The following DCDC1 variants were observed in gnomAD, a reference collection of about 807,000 sequenced individuals.
The protein encoded by DCDC1 is doublecortin domain containing 1.
DCDC1 carries 200 observed loss-of-function variants against 178.3 expected under a neutral mutation model. The observed-to-expected ratio is 1.12, with a 90% CI of 1.00 to 1.26. The LOEUF is 1.26. DCDC1 is among the 50% of genes most tolerant of loss of function. The probability of loss-of-function intolerance (pLI) is 0.00; values close to 1 mark genes in which losing one functional copy is unlikely to be tolerated. For synonymous variants in DCDC1, 690 were observed against 604.8 expected (o/e 1.14, Z -2.07); for missense variants, 1,983 against 1,749.2 (o/e 1.13, Z -2.38).
chr11:31,323,689 A>G (rs1949496641), intron 3 of DCDC1, among the ~76,000 whole-genome samples: 1 of 152,126 alleles, frequency 6.6e-6, no homozygotes, highest in African/African-American at 2.4e-5. Context: ...AATATATACA[A>G]ATAAACTATA....
chr11:31,333,546 C>T (rs1950112971), intron 2 of DCDC1, among the ~76,000 whole-genome samples: 1 of 152,180 alleles, frequency 6.6e-6, no homozygotes, highest in South Asian at 2.1e-4. Context: ...TTAGTGCTTC[C>T]TTCAGGAGCT....
intron 18 of DCDC1, among the ~76,000 whole-genome samples, chr11:31,066,412 C>A (rs147276853): frequency 6.6e-6 from 1 of 152,266 alleles, no homozygotes; most frequent in African/African-American, 2.4e-5. Context: ...GTCTGTCAAG[C>A]CTAAATATGC....
chr11:31,367,562 A>G (rs1019459458), intron 1 of DCDC1, among the ~76,000 whole-genome samples: 1 of 152,224 alleles, frequency 6.6e-6, no homozygotes, highest in Non-Finnish European at 1.5e-5. Context: ...TTAAGGAGTT[A>G]GGACTTTATT....
At chr11:31,136,969 T>C (rs997913405) in intron 10 of DCDC1, among the ~76,000 whole-genome samples, 1 of 152,186 alleles carries the variant, frequency 6.6e-6, no homozygotes, top group Non-Finnish European at 1.5e-5. Flanking sequence ...AAAATAACTT[T>C]GTTAGTATTT....
chr11:31,235,577 A>G (rs945933367), intron 9 of DCDC1, among the ~76,000 whole-genome samples: 1 of 152,020 alleles, frequency 6.6e-6, no homozygotes, highest in Non-Finnish European at 1.5e-5. Flanking sequence ...TTCAAAAAGT[A>G]TTATAAAATG....
chr11:31,091,991 A>G (rs1957849273), intron 16 of DCDC1, among the ~76,000 whole-genome samples: 2 of 152,170 alleles, frequency 1.3e-5, no homozygotes, highest in African/African-American at 4.8e-5. Flanking sequence ...AACTGCTTTT[A>G]TTTTAAATGT....
At chr11:31,206,157 T>A (rs1439702223) in intron 9 of DCDC1, among the ~76,000 whole-genome samples, 2 of 152,160 alleles carry the variant, frequency 1.3e-5, no homozygotes, top group East Asian at 3.8e-4. Flanking sequence ...AGGTGAAAAG[T>A]TGATATGAAA....
At chr11:31,088,887 G>A (rs1355535651) in intron 17 of DCDC1, among the ~76,000 whole-genome samples, 1 of 152,072 alleles carries the variant, frequency 6.6e-6, no homozygotes, top group Non-Finnish European at 1.5e-5. Context: ...TTTTTGTAGA[G>A]ATGGAATTCC....
intron 1 of DCDC1, among the ~76,000 whole-genome samples, chr11:31,344,739 T>C (rs1294852500): frequency 6.6e-6 from 1 of 152,230 alleles, no homozygotes; most frequent in Non-Finnish European, 1.5e-5. Context: ...AGAAAACCAA[T>C]TTCTAGATTC....
At chr11:30,959,701 T>C (rs158505) in intron 20 of DCDC1, among the ~76,000 whole-genome samples, 108,432 of 151,964 alleles carry the variant, frequency 0.71, 39,405 homozygotes, top group African/African-American at 0.83. Context: ...AGTTATATAA[T>C]CCAGAAGTGA....
At chr11:30,978,827 C>CACACA (rs1554991411) in intron 20 of DCDC1, among the ~76,000 whole-genome samples, 49 of 140,544 alleles carry the variant, frequency 3.5e-4, no homozygotes, top group Middle Eastern at 3.5e-3. Flanking sequence ...CACACACACA[C>CACACA]CCCCTTCTCA....
At chr11:31,165,532 A>G (rs1356541634) in intron 9 of DCDC1, among the ~76,000 whole-genome samples, 1 of 152,120 alleles carries the variant, frequency 6.6e-6, no homozygotes, top group African/African-American at 2.4e-5. Context: ...GCTGATCTTG[A>G]ACTCCTAGCC....
At chr11:31,027,342 T>C (rs567224811) in intron 20 of DCDC1, among the ~76,000 whole-genome samples, 1 of 151,926 alleles carries the variant, frequency 6.6e-6, no homozygotes, top group East Asian at 1.9e-4. Context: ...GTCTCCACTG[T>C]GTGTTAAAGG....
intron 22 of DCDC1, among the ~76,000 whole-genome samples, chr11:30,926,950 C>T (rs1243861999): frequency 6.6e-6 from 1 of 151,992 alleles, no homozygotes; most frequent in African/African-American, 2.4e-5. Context: ...GGAGCTATGC[C>T]TCCCAGATCC....
chr11:31,196,637 G>A (rs768347341), intron 9 of DCDC1, among the ~76,000 whole-genome samples: 6 of 152,046 alleles, frequency 3.9e-5, no homozygotes, highest in Non-Finnish European at 7.4e-5. Context: ...AGGTATGAGA[G>A]AGGTGCAAAA....
At chr11:31,260,131 A>C (rs1944684975) in intron 8 of DCDC1, among the ~76,000 whole-genome samples, 1 of 152,198 alleles carries the variant, frequency 6.6e-6, no homozygotes, top group African/African-American at 2.4e-5. Context: ...TTCCAGCTCC[A>C]ATCAGGCATC....
intron 27 of DCDC1, among the ~76,000 whole-genome samples, chr11:30,915,132 T>C (rs1945742869): frequency 6.6e-6 from 1 of 151,900 alleles, no homozygotes; most frequent in African/African-American, 2.4e-5. Context: ...GGATGGGGAG[T>C]AAGTTAATGA....
intron 2 of DCDC1, among the ~76,000 whole-genome samples, chr11:31,334,348 T>G (rs1169476584): frequency 3.9e-5 from 6 of 152,180 alleles, no homozygotes; most frequent in Admixed American, 2.0e-4. Flanking sequence ...TCAGAGAAGT[T>G]TGTTATTACC....
At chr11:31,312,104 A>C (rs1436498840) in intron 3 of DCDC1, among the ~76,000 whole-genome samples, 2 of 152,096 alleles carry the variant, frequency 1.3e-5, no homozygotes, top group Non-Finnish European at 2.9e-5. Flanking sequence ...TAGAGCCCTA[A>C]GGAGTCTTCT....
Sources: allele counts gnomAD v4.1 joint callset (sites outside exome capture counted in the v4.1 genomes callset), GRCh38; gene constraint gnomAD v4.1.1; transcripts MANE v1.5; gene names NCBI Gene and HGNC (gene_info 2026-07-23, HGNC 2026-07-21).